Variants in RAP1GAP observed in about 807,000 individuals in gnomAD.
RAP1GAP encodes the protein rap1 GTPase-activating protein 1.
A neutral mutation model predicts 87.2 loss-of-function variants in RAP1GAP; 35 were observed. The observed-to-expected ratio is 0.40, with a 90% confidence interval of 0.31 to 0.53. RAP1GAP has a LOEUF of 0.53. RAP1GAP is among the 20% of genes least tolerant of loss of function. The probability of loss-of-function intolerance (pLI) is 0.48; values close to 1 mark genes in which losing one functional copy is unlikely to be tolerated. For missense variants in RAP1GAP, 734 were observed against 898.9 expected (o/e 0.82, Z 2.35); for synonymous variants, 375 against 363.9 (o/e 1.03, Z -0.35).
chr1:21,651,590 A>C (rs2096567372), intron 1 of RAP1GAP: 2 of 700,312 alleles, frequency 2.9e-6, no homozygotes, highest in Non-Finnish European at 2.7e-6. Context: ...ACACAGAAAC[A>C]GAAACACACA....
Position 21,618,667 on chromosome 1 carries a change from G to A in RAP1GAP, c.66+358C>T, listed in dbSNP as rs566178779. 5.3e-5 allele frequency among the ~76,000 whole-genome samples: 8 copies of A among 152,282 alleles called. No homozygotes were observed. In the South Asian group the frequency reaches 1.0e-3, roughly 20 times the overall value. On this transcript the variant is annotated intron_variant, in intron 5 of 24. Coordinates refer to ENST00000374765, the MANE Select transcript of RAP1GAP (RefSeq NM_002885.4). ...TTCCTGCAACTGCTGGTCATCACTG[G>A]TTTCAGGGAAAACATTTGGCAGCAG...
At chr1:21,600,967 G>A (rs1175191578) in intron 20 of RAP1GAP, among the ~76,000 whole-genome samples, 5 of 138,628 alleles carry the variant, frequency 3.6e-5, no homozygotes, top group African/African-American at 2.7e-5. Context: ...CCTCCTTCCC[G>A]CCACCACCCA....
At chr1:21,618,786 G>T (rs1397711129) in intron 5 of RAP1GAP, among the ~76,000 whole-genome samples, 1 of 152,120 alleles carries the variant, frequency 6.6e-6, no homozygotes, top group Admixed American at 6.5e-5. Context: ...GGAGGAGCTA[G>T]AATAGAGGCC....
At chr1:21,665,684 G>A (rs1475005436) in intron 1 of RAP1GAP, among the ~76,000 whole-genome samples, 2 of 152,242 alleles carry the variant, frequency 1.3e-5, no homozygotes, top group East Asian at 3.9e-4. Flanking sequence ...CCTAAATATA[G>A]AGCACATTTT....
chr1:21,601,661 C>A, intron 20 of RAP1GAP, 23 bp downstream of exon 20: 1 of 1,557,922 alleles, frequency 6.4e-7, no homozygotes, highest in Non-Finnish European at 8.8e-7. Flanking sequence ...AGCCCCCAAG[C>A]CCCACGTGCC....
chr1:21,656,447 A>AAAAAAAAAAAC (rs1558910129), intron 1 of RAP1GAP, among the ~76,000 whole-genome samples: 2 of 125,818 alleles, frequency 1.6e-5, no homozygotes, highest in Admixed American at 7.8e-5. Context: ...AAAAAAAAAA[A>AAAAAAAAAAAC]AAAAAAAGAC....
At position 21,669,296 on chromosome 1, in the gene RAP1GAP, T is replaced by TG; in HGVS notation, c.-192dup. The TG allele has an allele frequency of 8.5e-7, 1 of 1,177,470 alleles. No homozygotes were observed. The highest frequency in any genetic ancestry group is 1.1e-6 in the Non-Finnish European group (1 of 945,084). 72.9% of individuals were successfully genotyped at this position (1,177,470 alleles called of 1,614,324 possible). On this transcript the variant is annotated 5_prime_UTR_variant, in exon 1 of 25. Transcript: ENST00000374765. This position sits in a 1 kb window ranked among gnomAD's most constrained non-coding sequence, Gnocchi z 5.6. ...GGGCGTCCTGGGCTCGGCACTCTGG[T>TG]GCCCGCGGCCGCCGCTGCAGCTCTG...
chr1:21,602,746 G>T, intron 19 of RAP1GAP, 58 bp downstream of exon 19: 1 of 1,466,634 alleles, frequency 6.8e-7, no homozygotes, highest in South Asian at 1.2e-5. Context: ...CTTTGCCACC[G>T]AATGGGGCTC....
At position 21,668,646 on chromosome 1, in the gene RAP1GAP, C is replaced by G. The variant is rs2097461677; in HGVS notation, c.-149+608G>C. ...ATTCCCACCGAGTCCTCAGATCCTG[C>G]CGAGCCAGGGGAGGCGACGAGGGGG... On this transcript the variant is annotated intron_variant, in intron 1 of 24. Coordinates refer to ENST00000374765, the MANE Select transcript of RAP1GAP (RefSeq NM_002885.4). This position sits in a 1 kb window ranked among gnomAD's most constrained non-coding sequence, Gnocchi z 6.2. The G allele has an allele frequency of 6.6e-6, 1 of 152,156 alleles. No homozygotes were observed. The highest frequency in any genetic ancestry group is 1.9e-4 in the East Asian group (1 of 5,176). 9.4% of individuals were successfully genotyped at this position (152,156 alleles called of 1,614,324 possible). A position where few individuals can be genotyped will look rare whatever the true frequency, so the allele number is the denominator to read the frequency against.
chr1:21,659,680 C>T (rs111550678), intron 1 of RAP1GAP, among the ~76,000 whole-genome samples: 1 of 152,106 alleles, frequency 6.6e-6, no homozygotes, highest in Admixed American at 6.5e-5. Context: ...CCATGGCTGA[C>T]GGGGGAAATT....
Position 21,609,605 on chromosome 1 carries a change from G to T in RAP1GAP, c.1041C>A (p.Pro347=). 1 of 1,580,570 alleles carries T rather than the reference G, an allele frequency of 6.3e-7. No individual in the cohort carries two copies. Among genetic ancestry groups the T allele is most frequent in the Non-Finnish European group, 8.6e-7 (1 of 1,163,628 alleles). Residue 347 remains proline (P), a synonymous_variant, in exon 15 of 25, where the codon CCC becomes CCA. Coordinates refer to ENST00000374765, the MANE Select transcript of RAP1GAP (RefSeq NM_002885.4). This position sits in a 1 kb window ranked among gnomAD's most constrained non-coding sequence, Gnocchi z 4.4. ...TGAACACAGCGGGGTCCGGGAGGGG[G>T]GGTCCAAAGAAGGGCACATCATCTC... is the stretch of plus-strand genomic sequence containing the variant. ...TARDDVPFFG[P]PLPDPAVFRK... is the part of the protein sequence containing the mutation.
chr1:21,631,399 G>T (rs1031884577), intron 2 of RAP1GAP, among the ~76,000 whole-genome samples: 2 of 152,190 alleles, frequency 1.3e-5, no homozygotes, highest in Non-Finnish European at 2.9e-5. Flanking sequence ...TAAAAATCCA[G>T]ATGAGGCTGG....
At position 21,603,865 on chromosome 1, in the gene RAP1GAP, G is replaced by A; in HGVS notation, c.1429-952C>T. 6.3e-7 allele frequency: 1 copy of A among 1,594,322 alleles called. No individual in the cohort carries two copies. Among genetic ancestry groups the A allele is most frequent in the Non-Finnish European group, 8.5e-7 (1 of 1,170,238 alleles). ...CCACGGTTCCTATGCCTATGGCACT[G>A]CCCCGGCGTCCGAATCTACTCGCAC... On this transcript the variant is annotated intron_variant, in intron 18 of 24. Transcript: ENST00000374765. The surrounding 1 kb of genome is among the most constrained non-coding windows in gnomAD (Gnocchi z 6.0).
Position 21,603,462 on chromosome 1 carries a change from G to C in RAP1GAP, c.1429-549C>G. ...GAGGCAGGAAGGGGTAGGACCCCAGGTCACTTCGTGGCGGGGAGGAGGAGT... is the reference window on the plus strand; with the variant it reads ...GAGGCAGGAAGGGGTAGGACCCCAGCTCACTTCGTGGCGGGGAGGAGGAGT... On this transcript the variant is annotated intron_variant, in intron 18 of 24. Coordinates refer to ENST00000374765, the MANE Select transcript of RAP1GAP (RefSeq NM_002885.4). This position sits in a 1 kb window ranked among gnomAD's most constrained non-coding sequence, Gnocchi z 6.0. 1 of 587,586 alleles carries C rather than the reference G, an allele frequency of 1.7e-6. No homozygotes were observed. The highest frequency in any genetic ancestry group is 3.0e-6 in the Non-Finnish European group (1 of 328,430). The allele number at this position is 587,586 out of a possible 1,614,324, so 36.4% of individuals were successfully genotyped here.
intron 4 of RAP1GAP, 74 bp from the exon 5 acceptor site, chr1:21,619,146 C>A: frequency 6.7e-7 from 1 of 1,484,024 alleles, no homozygotes; most frequent in Non-Finnish European, 9.2e-7. Flanking sequence ...CCAAGGCGTG[C>A]AAGGGGAAAG....
rs889469161 is a variant in RAP1GAP at position 21,609,782 on chromosome 1, T to G, written c.1000-136A>C. 6.0e-6 allele frequency: 4 copies of G among 671,962 alleles called. No individual in the cohort carries two copies. Among genetic ancestry groups the G allele is most frequent in the East Asian group, 5.7e-5 (2 of 35,144 alleles). 41.6% of individuals were successfully genotyped at this position (671,962 alleles called of 1,614,324 possible). Reference sequence around the variant, plus strand: ...CAGTGACTGTGGGCTGGATGAATCTTTCTTCCAGAGATTTCTGCCCTCTAT... The same window carrying G: ...CAGTGACTGTGGGCTGGATGAATCTGTCTTCCAGAGATTTCTGCCCTCTAT... On this transcript the variant is annotated intron_variant, in intron 14 of 24. Coordinates refer to ENST00000374765, the MANE Select transcript of RAP1GAP (RefSeq NM_002885.4). The surrounding 1 kb of genome is among the most constrained non-coding windows in gnomAD (Gnocchi z 4.4).
At chr1:21,662,980 C>A (rs947493787) in intron 1 of RAP1GAP, among the ~76,000 whole-genome samples, 1 of 152,232 alleles carries the variant, frequency 6.6e-6, no homozygotes, top group African/African-American at 2.4e-5. Context: ...TGCCTCCCCC[C>A]ATCCAGAATC....
chr1:21,628,206 C>T (rs1006195772), intron 2 of RAP1GAP, among the ~76,000 whole-genome samples: 8 of 151,994 alleles, frequency 5.3e-5, no homozygotes, highest in Non-Finnish European at 1.0e-4. Context: ...GGTACACTGA[C>T]ATGGGGAGAG....
chr1:21,629,808 G>A (rs1433107643), intron 2 of RAP1GAP, among the ~76,000 whole-genome samples: 30 of 152,242 alleles, frequency 2.0e-4, no homozygotes, highest in Admixed American at 1.9e-3. Context: ...TCAGAAAGGT[G>A]CGTTAACTTG....
Sources: gnomAD v4.1 joint callset for allele counts (sites outside exome capture counted in the v4.1 genomes callset) on GRCh38, gnomAD v4.1.1 for gene constraint, Gnocchi (gnomAD v3.1) non-coding constraint, MANE v1.5 for transcripts, NCBI Gene and HGNC (gene_info 2026-07-23, HGNC 2026-07-21) for gene names.